Variants in SLC6A6 observed in about 807,000 individuals in gnomAD.
The protein encoded by SLC6A6 is solute carrier family 6 member 6, also known as sodium- and chloride-dependent taurine transporter.
In SLC6A6, 16 loss-of-function variants were observed where a neutral mutation model predicts 68.8. The ratio of observed to expected loss-of-function variants is 0.23; its 90% CI spans 0.16 to 0.35. The LOEUF (loss-of-function observed/expected upper bound fraction) is 0.35. SLC6A6 is among the 10% of genes least tolerant of loss of function. The pLI is 1.00. For synonymous variants in SLC6A6, 312 were observed against 315.4 expected (o/e 0.99, Z 0.12); for missense variants, 474 against 802.8 (o/e 0.59, Z 4.95).
chr3:14,474,706 G>A lies in SLC6A6; in HGVS notation c.1209+2389G>A, dbSNP rs183945522. Among the ~76,000 whole-genome samples, 3 of 152,354 alleles carry A rather than the reference G, an allele frequency of 2.0e-5. No individual in the cohort carries two copies. In the East Asian group the frequency reaches 5.8e-4, roughly 29 times the overall value. On this transcript the variant is annotated intron_variant, in intron 10 of 14. Coordinates refer to ENST00000622186, the MANE Select transcript of SLC6A6 (RefSeq NM_003043.6). ...ACAGCTAGTGAAGGGCTTGATACCA[G>A]GTCTGCCTGTCTGCAGAAACTGTCT... is the stretch of plus-strand genomic sequence containing the variant.
chr3:14,455,419 C>T (rs1330756197), intron 5 of SLC6A6, among the ~76,000 whole-genome samples: 1 of 152,224 alleles, frequency 6.6e-6, no homozygotes, highest in Non-Finnish European at 1.5e-5. Context: ...TTAAGCTTCT[C>T]AGCCAGCTTG....
chr3:14,459,895 T>TC (rs892507777), intron 6 of SLC6A6, among the ~76,000 whole-genome samples: 7 of 46,896 alleles, frequency 1.5e-4, no homozygotes, highest in African/African-American at 8.6e-4. Context: ...TTTTTTTTTT[T>TC]TTTTTTTTTT....
chr3:14,473,322 C>T (rs1333612144), intron 10 of SLC6A6, among the ~76,000 whole-genome samples: 2 of 152,166 alleles, frequency 1.3e-5, no homozygotes, highest in African/African-American at 2.4e-5. Context: ...CCTCAGGCAG[C>T]GCCATGCACA....
chr3:14,454,758 T>C (rs1700332830), intron 5 of SLC6A6, among the ~76,000 whole-genome samples: 1 of 152,204 alleles, frequency 6.6e-6, no homozygotes, highest in African/African-American at 2.4e-5. Context: ...GCAAAGTGCA[T>C]CCCCCTCCCC....
intron 5 of SLC6A6, among the ~76,000 whole-genome samples, chr3:14,452,957 GT>G (rs1003865232): frequency 1.3e-5 from 2 of 152,190 alleles, no homozygotes; most frequent in Non-Finnish European, 2.9e-5. Flanking sequence ...AGCTCGGCAC[GT>G]ATCATTAGAC....
At position 14,412,154 on chromosome 3, in the gene SLC6A6, T is replaced by C. The variant is rs569439299; in HGVS notation, c.-53-4258T>C. On this transcript the variant is annotated intron_variant, in intron 1 of 14. Transcript: ENST00000622186. ...CGCGTGCCACCACACGGGGTGCTGT[T>C]CCTGCGGGACTCCTTTAAGGATGCA... Among the ~76,000 whole-genome samples the C allele has an allele frequency of 2.6e-5, 4 of 152,240 alleles. No individual in the cohort carries two copies. In the East Asian group the frequency reaches 7.7e-4, roughly 29 times the overall value.
chr3:14,484,468 A>G (rs73136805), intron 14 of SLC6A6, among the ~76,000 whole-genome samples: 40 of 152,296 alleles, frequency 2.6e-4, no homozygotes, highest in African/African-American at 9.6e-4. Context: ...CAGTTGTCCA[A>G]CTCAGGGCAT....
chr3:14,436,531 CTTTTTTTTTTT>C (rs58996264), intron 2 of SLC6A6, among the ~76,000 whole-genome samples: 1 of 112,578 alleles, frequency 8.9e-6, no homozygotes, highest in African/African-American at 3.3e-5. Flanking sequence ...CAACAACTCC[CTTTTTTTTTTT>C]TTTTTTTTTT....
chr3:14,468,038 G>T lies in SLC6A6; in HGVS notation c.972-50G>T, dbSNP rs1245344534. 6.2e-7 allele frequency: 1 copy of T among 1,613,578 alleles called. No homozygotes were observed. Among genetic ancestry groups the T allele is most frequent in the South Asian group, 1.1e-5 (1 of 91,032 alleles). ...AAGAAAAAGAGAAGTAGGGAGCGTG[G>T]CTTCCTTGTGTTGTGAATTAACTTG... On this transcript the variant is annotated intron_variant, in intron 8 of 14. Transcript: ENST00000622186. The surrounding 1 kb of genome is among the most constrained non-coding windows in gnomAD (Gnocchi z 4.5).
At chr3:14,449,246 G>A (rs1700200810) in intron 5 of SLC6A6, among the ~76,000 whole-genome samples, 1 of 152,252 alleles carries the variant, frequency 6.6e-6, no homozygotes, top group Non-Finnish European at 1.5e-5. Flanking sequence ...GGCCTTCAGT[G>A]TATGCTCAGG....
At chr3:14,427,970 G>A (rs572838999) in intron 2 of SLC6A6, among the ~76,000 whole-genome samples, 3 of 152,264 alleles carry the variant, frequency 2.0e-5, no homozygotes, top group East Asian at 1.9e-4. Context: ...TCTGGCCCTC[G>A]GCTCCTCCAC....
intron 2 of SLC6A6, among the ~76,000 whole-genome samples, chr3:14,427,655 G>A (rs1170567476): frequency 2.5e-4 from 38 of 152,166 alleles, no homozygotes; most frequent in Admixed American, 2.5e-3. Flanking sequence ...TGCAGTTGCA[G>A]CCATCCTGGG....
intron 2 of SLC6A6, among the ~76,000 whole-genome samples, chr3:14,420,386 CTTG>C (rs1699459200): frequency 6.6e-6 from 1 of 152,074 alleles, no homozygotes; most frequent in African/African-American, 2.4e-5. Flanking sequence ...GTTTGCTGAC[CTTG>C]TTGTAAGCCA....
chr3:14,462,036 C>T (rs1173187320), intron 6 of SLC6A6, among the ~76,000 whole-genome samples: 1 of 152,238 alleles, frequency 6.6e-6, no homozygotes, highest in Non-Finnish European at 1.5e-5. Context: ...GGGTCTAGGG[C>T]TCAGAGGAGC....
intron 2 of SLC6A6, among the ~76,000 whole-genome samples, chr3:14,439,218 C>T (rs745807255): frequency 1.3e-5 from 2 of 152,252 alleles, no homozygotes; most frequent in Admixed American, 6.5e-5. Context: ...AGCCAGGCTG[C>T]TCGCTTCCCT....
At chr3:14,454,347 G>A (rs1453789183) in intron 5 of SLC6A6, among the ~76,000 whole-genome samples, 1 of 152,148 alleles carries the variant, frequency 6.6e-6, no homozygotes. Flanking sequence ...GGGTACTTAG[G>A]AGGCACAGGT....
At chr3:14,463,709 C>T (rs575144528) in intron 6 of SLC6A6, among the ~76,000 whole-genome samples, 9 of 152,284 alleles carry the variant, frequency 5.9e-5, no homozygotes, top group African/African-American at 1.9e-4. Flanking sequence ...GATGTGCCCC[C>T]GCCCTCCACG....
chr3:14,443,976 C>G (rs36107877), intron 3 of SLC6A6, 113 bp downstream of exon 3: 377 of 709,316 alleles, frequency 5.3e-4, no homozygotes, highest in East Asian at 4.3e-3. Context: ...CTGGCCCCCC[C>G]CCTTGACCTC....
At position 14,478,391 on chromosome 3, in the gene SLC6A6, G is replaced by A. The variant is rs907472953; in HGVS notation, c.1348-75G>A. On this transcript the variant is annotated intron_variant, in intron 11 of 14. Transcript: ENST00000622186. Reference sequence around the variant, plus strand: ...TGGGTTTTTTTAATCTTATTGATATGCCAGAGCTCTTTGTATATGAAAGAA... The same window carrying A: ...TGGGTTTTTTTAATCTTATTGATATACCAGAGCTCTTTGTATATGAAAGAA... 8.1e-5 allele frequency: 69 copies of A among 850,768 alleles called. No individual in the cohort carries two copies. The Middle Eastern group carries it at 8.9e-4, about 11-fold the overall frequency. 52.7% of individuals were successfully genotyped at this position (850,768 alleles called of 1,614,324 possible).
Sources: gnomAD v4.1 joint callset for allele counts (sites outside exome capture counted in the v4.1 genomes callset) on GRCh38, gnomAD v4.1.1 for gene constraint, Gnocchi (gnomAD v3.1) non-coding constraint, MANE v1.5 for transcripts, NCBI Gene and HGNC (gene_info 2026-07-23, HGNC 2026-07-21) for gene names.